GRIN3A: variants seen among roughly 807,000 people sequenced by gnomAD.
GRIN3A encodes the protein glutamate receptor ionotropic, NMDA 3A.
GRIN3A carries 47 observed loss-of-function variants against 92.4 expected under a neutral mutation model. That is an observed-to-expected ratio of 0.51 (90% CI 0.40 to 0.65). The LOEUF (loss-of-function observed/expected upper bound fraction) is 0.65, where lower values mean the gene tolerates loss of function less well. Ranked by LOEUF, GRIN3A falls within the 30% of genes least tolerant of loss-of-function variation. GRIN3A has a pLI of 0.00. For synonymous variants in GRIN3A, 527 were observed against 540.6 expected (o/e 0.97, Z 0.35); for missense variants, 1,324 against 1,393.1 (o/e 0.95, Z 0.79).
Position 101,738,027 on chromosome 9 carries a change from G to A in GRIN3A, c.-48C>T, listed in dbSNP as rs772212856. 4.1e-6 allele frequency: 6 copies of A among 1,479,596 alleles called. No individual in the cohort carries two copies. The South Asian group carries it at 7.2e-5, about 18-fold the overall frequency. 91.7% of individuals were successfully genotyped at this position (1,479,596 alleles called of 1,614,324 possible). On this transcript the variant is annotated 5_prime_UTR_variant, in exon 1 of 9. Transcript: ENST00000361820. ...GCGCGCCCCCTCCTGCGCCCGGCTCGCCCCTCTGCAGCCGCTGCCTGAGGT... is the reference window on the plus strand; with the variant it reads ...GCGCGCCCCCTCCTGCGCCCGGCTCACCCCTCTGCAGCCGCTGCCTGAGGT...
chr9:101,728,051 T>A (rs1830099914), intron 1 of GRIN3A, among the ~76,000 whole-genome samples: 1 of 152,022 alleles, frequency 6.6e-6, no homozygotes, highest in South Asian at 2.1e-4. Context: ...ATTTACAATA[T>A]ATAGAAGCAA....
At chr9:101,731,337 A>G (rs1006250832) in intron 1 of GRIN3A, among the ~76,000 whole-genome samples, 2 of 152,198 alleles carry the variant, frequency 1.3e-5, no homozygotes, top group African/African-American at 2.4e-5. Context: ...CTATTTCTCC[A>G]TATTTTGTCT....
rs111932492 is a variant in GRIN3A at position 101,603,366 on chromosome 9, C to T, written c.2766+10010G>A. ...AATCAGGGAAGGAGAGAACATTTGT[C>T]AAGCCAGGTGTTCGCCATAAACGAT... On this transcript the variant is annotated intron_variant, in intron 6 of 8. Transcript: ENST00000361820. Among the ~76,000 whole-genome samples the T allele has an allele frequency of 5.3e-4, 81 of 152,214 alleles. 2 individuals are homozygous for T. Among genetic ancestry groups the T allele is most frequent in the African/African-American group, 1.8e-3 (74 of 41,520 alleles).
chr9:101,573,592 T>C (rs1827789326), intron 8 of GRIN3A, 79 bp from the exon 9 acceptor site: 2 of 1,136,470 alleles, frequency 1.8e-6, no homozygotes, highest in African/African-American at 3.0e-5. Flanking sequence ...AGCCATTTCC[T>C]GTGCAATAAT....
intron 6 of GRIN3A, among the ~76,000 whole-genome samples, chr9:101,596,967 T>G (rs1828142575): frequency 6.6e-6 from 1 of 152,202 alleles, no homozygotes; most frequent in East Asian, 1.9e-4. Flanking sequence ...GTACGGGACC[T>G]TATGAGACTG....
chr9:101,630,592 A>G (rs1025482033), intron 3 of GRIN3A, among the ~76,000 whole-genome samples: 1 of 152,184 alleles, frequency 6.6e-6, no homozygotes, highest in African/African-American at 2.4e-5. Flanking sequence ...TCAGCTTTTG[A>G]CAACTGTGTA....
At chr9:101,605,500 T>C (rs967487660) in intron 6 of GRIN3A, among the ~76,000 whole-genome samples, 14 of 152,212 alleles carry the variant, frequency 9.2e-5, no homozygotes, top group Non-Finnish European at 1.0e-4. Flanking sequence ...AACTTCCATT[T>C]TTGAAACTAC....
At chr9:101,648,890 A>G (rs1008590910) in intron 3 of GRIN3A, among the ~76,000 whole-genome samples, 2 of 152,142 alleles carry the variant, frequency 1.3e-5, no homozygotes, top group Middle Eastern at 3.4e-3. Flanking sequence ...TGTCAGACTT[A>G]AACACTGGAC....
At chr9:101,660,522 G>A (rs903149071) in intron 3 of GRIN3A, among the ~76,000 whole-genome samples, 20 of 151,894 alleles carry the variant, frequency 1.3e-4, no homozygotes, top group African/African-American at 4.8e-4. Context: ...TAGGAACAGG[G>A]TGCATAAGAA....
At chr9:101,591,579 T>G (rs1828026946) in intron 6 of GRIN3A, 1 of 152,190 alleles carries the variant, frequency 6.6e-6, no homozygotes, top group Non-Finnish European at 1.5e-5. Flanking sequence ...TTAAATGATA[T>G]GTATAACAAA....
At chr9:101,732,388 C>A (rs559407462) in intron 1 of GRIN3A, among the ~76,000 whole-genome samples, 1 of 152,270 alleles carries the variant, frequency 6.6e-6, no homozygotes, top group South Asian at 2.1e-4. Flanking sequence ...ACCAACATTT[C>A]TCAAATATCT....
At chr9:101,628,629 AC>A (rs1188395423) in intron 3 of GRIN3A, among the ~76,000 whole-genome samples, 3 of 152,178 alleles carry the variant, frequency 2.0e-5, no homozygotes, top group Non-Finnish European at 4.4e-5. Flanking sequence ...AAAATACAAA[AC>A]AATTTTTTTT....
At chr9:101,677,802 G>A (rs1829418954) in intron 2 of GRIN3A, among the ~76,000 whole-genome samples, 1 of 152,072 alleles carries the variant, frequency 6.6e-6, no homozygotes, top group Non-Finnish European at 1.5e-5. Context: ...ATATGGGACA[G>A]TTCTCCAAAT....
At chr9:101,674,845 G>C (rs778669728) in intron 2 of GRIN3A, among the ~76,000 whole-genome samples, 1 of 151,814 alleles carries the variant, frequency 6.6e-6, no homozygotes, top group South Asian at 2.1e-4. Flanking sequence ...TGGAGAGCAG[G>C]GTAGAAAAAT....
At chr9:101,639,823 A>G (rs578075704) in intron 3 of GRIN3A, among the ~76,000 whole-genome samples, 15 of 152,352 alleles carry the variant, frequency 9.8e-5, no homozygotes, top group Non-Finnish European at 2.1e-4. Context: ...CATAGACCCC[A>G]GGAAACCAGC....
intron 8 of GRIN3A, among the ~76,000 whole-genome samples, chr9:101,574,137 C>G (rs1827797290): frequency 6.6e-6 from 1 of 152,028 alleles, no homozygotes; most frequent in Non-Finnish European, 1.5e-5. Context: ...CCGAGAAAGC[C>G]CTCAGTTTCT....
chr9:101,610,625 C>CT (rs201233963), intron 6 of GRIN3A, among the ~76,000 whole-genome samples: 4 of 141,504 alleles, frequency 2.8e-5, no homozygotes, highest in African/African-American at 5.1e-5. Flanking sequence ...ATCTATCTAT[C>CT]ATCTATCTAT....
intron 1 of GRIN3A, among the ~76,000 whole-genome samples, chr9:101,721,109 A>G (rs956594529): frequency 1.5e-4 from 23 of 152,126 alleles, no homozygotes; most frequent in African/African-American, 4.8e-4. Context: ...CCCAAATCTC[A>G]ACTTGAATTG....
chr9:101,658,552 C>T (rs1412541567), intron 3 of GRIN3A, among the ~76,000 whole-genome samples: 1 of 151,398 alleles, frequency 6.6e-6, no homozygotes, highest in African/African-American at 2.4e-5. Context: ...TTTAAGGAAA[C>T]ATTGATAGGT....
Sources: allele counts gnomAD v4.1 joint callset (sites outside exome capture counted in the v4.1 genomes callset), GRCh38; gene constraint gnomAD v4.1.1; transcripts MANE v1.5; gene names NCBI Gene and HGNC (gene_info 2026-07-23, HGNC 2026-07-21).